The following CCDC88C variants were observed in gnomAD, a reference collection of about 807,000 sequenced individuals.
The protein encoded by CCDC88C is coiled-coil and HOOK domain protein 88C.
CCDC88C carries 131 observed loss-of-function variants against 198.8 expected under a neutral mutation model. That is an observed-to-expected ratio of 0.66 (90% CI 0.57 to 0.76). The LOEUF (loss-of-function observed/expected upper bound fraction) is 0.76. Ranked by LOEUF, CCDC88C falls within the 30% of genes least tolerant of loss-of-function variation. The pLI is 0.00. For synonymous variants in CCDC88C, 1,166 were observed against 1,114.7 expected, an observed-to-expected ratio of 1.05 and a Z score of -0.92; for missense variants, 2,553 against 2,631.6, an observed-to-expected ratio of 0.97 and a Z score of 0.65.
rs569134156 is a variant in CCDC88C, at chr14:91,277,949, C to T, written c.5031G>A (p.Glu1677=). 2.6e-6 allele frequency: 4 copies of T among 1,528,886 alleles called. No homozygotes were observed. The highest frequency in any genetic ancestry group is 2.7e-5 in the African/African-American group (2 of 72,900). 94.7% of individuals were successfully genotyped at this position (1,528,886 alleles called of 1,614,324 possible). A position where few individuals can be genotyped will look rare whatever the true frequency, so the allele number is the denominator to read the frequency against. The change falls in exon 29 of 30, where the codon GAG becomes GAA. Residue 1677 remains glutamate, a synonymous_variant. Transcript: ENST00000389857. ...GGGTGGGGGAGCTGCGGTTGCTCTC[C>T]TCCAGGAACTCCTCCAAGGTGACCA... ...SEMVTLEEFL[E]ESNRSSPTHD... is the part of the protein sequence containing the mutation.
chr14:91,308,976 C>T (rs373973708), intron 16 of CCDC88C, among the ~76,000 whole-genome samples: 5 of 152,184 alleles, frequency 3.3e-5, no homozygotes, highest in East Asian at 1.9e-4. Flanking sequence ...CCTGTAATCC[C>T]GGCACTTTGG....
chr14:91,367,093 CCTT>C (rs1894577064), intron 3 of CCDC88C, among the ~76,000 whole-genome samples: 1 of 152,202 alleles, frequency 6.6e-6, no homozygotes, highest in East Asian at 1.9e-4. Flanking sequence ...TTATTTTTCT[CCTT>C]CTAAGTGAAA....
intron 27 of CCDC88C, chr14:91,279,917 G>C (rs958464100): frequency 3.3e-5 from 5 of 152,252 alleles, no homozygotes; most frequent in African/African-American, 9.6e-5. Context: ...ATTTACATCT[G>C]CCCCAAAGGA....
chr14:91,417,570 G>A, intron 1 of CCDC88C, 61 bp downstream of exon 1: 2 of 1,495,102 alleles, frequency 1.3e-6, no homozygotes, highest in Non-Finnish European at 1.8e-6. Flanking sequence ...GCGGCGTCCC[G>A]TCGCCGGGCT....
At position 91,417,259 on chromosome 14, in the gene CCDC88C, T is replaced by C. The variant is rs556342620; in HGVS notation, c.60+372A>G. ...GGATTCAGAAAAACTACATGAGATA[T>C]TTGGTTGGGAAGAATGGGGTCCTTT... is the stretch of plus-strand genomic sequence containing the variant. On this transcript the variant is annotated intron_variant, in intron 1 of 29. Transcript: ENST00000389857. 3.0e-4 allele frequency: 207 copies of C among 697,310 alleles called. 1 individual carries two copies. Among genetic ancestry groups the C allele is most frequent in the South Asian group, 2.3e-3 (151 of 67,026 alleles). 43.2% of individuals were successfully genotyped at this position (697,310 alleles called of 1,614,324 possible).
intron 3 of CCDC88C, among the ~76,000 whole-genome samples, chr14:91,382,583 GCAGAGATGACC>G (rs1177940599): frequency 2.0e-5 from 3 of 152,306 alleles, no homozygotes; most frequent in East Asian, 1.9e-4. Context: ...AGCAGGTGAG[GCAGAGATGACC>G]CAGAGAAGAC....
At chr14:91,328,177 A>AATGGAG (rs1427892924) in intron 10 of CCDC88C, among the ~76,000 whole-genome samples, 21 of 152,356 alleles carry the variant, frequency 1.4e-4, no homozygotes, top group Non-Finnish European at 8.8e-5. Flanking sequence ...TCCCGGAATG[A>AATGGAG]ATGGAGATGG....
At chr14:91,319,465 C>T (rs1892251812) in intron 13 of CCDC88C, among the ~76,000 whole-genome samples, 1 of 152,224 alleles carries the variant, frequency 6.6e-6, no homozygotes, top group African/African-American at 2.4e-5. Flanking sequence ...AAGCACTGAC[C>T]TGCTTGTTTT....
At chr14:91,311,261 G>A (rs1432346900) in intron 15 of CCDC88C, among the ~76,000 whole-genome samples, 2 of 152,220 alleles carry the variant, frequency 1.3e-5, no homozygotes, top group Non-Finnish European at 2.9e-5. Flanking sequence ...CTACGCTAAC[G>A]AGCCGGGGCT....
In CCDC88C at chr14:91,311,435, C is replaced by T. The variant is rs566778353; in HGVS notation, c.2737-1449G>A. Among the ~76,000 whole-genome samples, 368 of 152,342 alleles carry T rather than the reference C, an allele frequency of 2.4e-3. 1 individual carries two copies. The highest frequency in any genetic ancestry group is 8.5e-3 in the African/African-American group (355 of 41,578). On this transcript the variant is annotated intron_variant, in intron 15 of 29. Transcript: ENST00000389857. ...CCTGTGGTTGGGTGTGGCTGTGCTGCTGAGCCCCACCCATGCAGCATGATC... is the reference window on the plus strand; with the variant it reads ...CCTGTGGTTGGGTGTGGCTGTGCTGTTGAGCCCCACCCATGCAGCATGATC...
rs199838561 is a variant in CCDC88C, at chr14:91,357,768, C to T, written c.340+1874G>A. 4.8e-4 allele frequency among the ~76,000 whole-genome samples: 73 copies of T among 152,364 alleles called. 1 individual carries two copies. The East Asian group carries it at 9.1e-3, about 19-fold the overall frequency. On this transcript the variant is annotated intron_variant, in intron 4 of 29. Coordinates refer to ENST00000389857, the MANE Select transcript of CCDC88C (RefSeq NM_001080414.4). ...GTTACCAGAAATCATGAGAGTCCCC[C>T]GGTCCCTGGAGCCCAGGGCTGTGGC...
In CCDC88C at chr14:91,379,925, G is replaced by A. The variant is rs142621127; in HGVS notation, c.271-20214C>T. 6.8e-4 allele frequency: 476 copies of A among 702,978 alleles called. 3 individuals carry two copies. The highest frequency in any genetic ancestry group is 6.4e-3 in the African/African-American group (366 of 57,356). 43.5% of individuals were successfully genotyped at this position (702,978 alleles called of 1,614,324 possible). On this transcript the variant is annotated intron_variant, in intron 3 of 29. Transcript: ENST00000389857. ...AGAAGATTTTACTAAAGGAAAAGGC[G>A]TTTGGGGGCTGAATACAGGCTCACT...
chr14:91,332,066 C>T (rs1669324641), intron 10 of CCDC88C, among the ~76,000 whole-genome samples: 1 of 152,126 alleles, frequency 6.6e-6, no homozygotes, highest in Non-Finnish European at 1.5e-5. Context: ...GCCCCTCGGG[C>T]TATTTGGGAG....
At chr14:91,322,838 T>G (rs1417314830) in intron 12 of CCDC88C, among the ~76,000 whole-genome samples, 1 of 151,856 alleles carries the variant, frequency 6.6e-6, no homozygotes, top group African/African-American at 2.4e-5. Flanking sequence ...CCTCTTCCAT[T>G]AAAGTCAGTG....
At chr14:91,343,247 T>C (rs1206585895) in intron 5 of CCDC88C, among the ~76,000 whole-genome samples, 1 of 152,164 alleles carries the variant, frequency 6.6e-6, no homozygotes, top group Non-Finnish European at 1.5e-5. Context: ...CATGAGCCAC[T>C]GCACTCGGCC....
At chr14:91,394,727 G>A (rs1885732249) in intron 3 of CCDC88C, among the ~76,000 whole-genome samples, 1 of 152,180 alleles carries the variant, frequency 6.6e-6, no homozygotes, top group African/African-American at 2.4e-5. Flanking sequence ...GGCTTCCTTT[G>A]ATGAGATAAT....
Position 91,272,581 on chromosome 14 carries a change from G to C in CCDC88C, c.*44C>G. The C allele has an allele frequency of 1.3e-6, 2 of 1,557,112 alleles. No homozygotes were observed. Among genetic ancestry groups the C allele is most frequent in the Non-Finnish European group, 1.7e-6 (2 of 1,150,226 alleles). ...GAGAAAAGGCCGTGAGAGTCGGAAGGCGCGTCAGTAGTTTTCAGGTTTGCG... is the reference window on the plus strand; with the variant it reads ...GAGAAAAGGCCGTGAGAGTCGGAAGCCGCGTCAGTAGTTTTCAGGTTTGCG... On this transcript the variant is annotated 3_prime_UTR_variant, in exon 30 of 30. Transcript: ENST00000389857.
intron 3 of CCDC88C, among the ~76,000 whole-genome samples, chr14:91,404,419 T>C (rs1368112244): frequency 2.0e-5 from 3 of 152,192 alleles, no homozygotes; most frequent in Non-Finnish European, 4.4e-5. Context: ...GTGACTCTTC[T>C]AGAAATCACC....
At position 91,300,007 on chromosome 14, in the gene CCDC88C, C is replaced by T. The variant is rs1463450443; in HGVS notation, c.3699G>A (p.Glu1233=). 1 of 1,602,246 alleles carries T rather than the reference C, an allele frequency of 6.2e-7. No homozygotes were observed. The highest frequency in any genetic ancestry group is 8.5e-7 in the Non-Finnish European group (1 of 1,174,736). Residue 1233 remains glutamate (E), a synonymous_variant, in exon 21 of 30, where the codon GAG becomes GAA. Coordinates refer to ENST00000389857, the MANE Select transcript of CCDC88C (RefSeq NM_001080414.4). ...LEEREKVLTT[E]REALQQEQRT... is the part of the protein sequence containing the mutation. ...TCTGCTCCTGCTGCAGCGCCTCTCG[C>T]TCAGTGGTCAAGACCTTCTCCCGCT...
Sources: allele counts gnomAD v4.1 joint callset (sites outside exome capture counted in the v4.1 genomes callset), GRCh38; gene constraint gnomAD v4.1.1; transcripts MANE v1.5; gene names NCBI Gene and HGNC (gene_info 2026-07-23, HGNC 2026-07-21).